The following XYLT1 variants were observed in gnomAD, a reference collection of about 807,000 sequenced individuals.
XYLT1 encodes beta-D-xylosyltransferase 1.
XYLT1 carries 36 observed loss-of-function variants against 91.3 expected under a neutral mutation model. The observed-to-expected ratio is 0.39, with a 90% CI of 0.30 to 0.52. The LOEUF (loss-of-function observed/expected upper bound fraction) is 0.52. XYLT1 is among the 20% of genes least tolerant of loss of function. The probability of loss-of-function intolerance (pLI) is 0.68; values close to 1 mark genes in which losing one functional copy is unlikely to be tolerated. For missense variants in XYLT1, 1,242 were observed against 1,284.5 expected, an observed-to-expected ratio of 0.97 and a Z score of 0.51; for synonymous variants, 588 against 532.0, an observed-to-expected ratio of 1.11 and a Z score of -1.45.
chr16:17,245,754 C>G (rs1426183939), intron 3 of XYLT1, among the ~76,000 whole-genome samples: 2 of 152,202 alleles, frequency 1.3e-5, no homozygotes, highest in Non-Finnish European at 1.5e-5. Context: ...AATCCAATCT[C>G]TCATGGGTGA....
chr16:17,129,022 C>T (rs983865460), intron 9 of XYLT1, among the ~76,000 whole-genome samples: 1 of 135,606 alleles, frequency 7.4e-6, no homozygotes, highest in African/African-American at 2.7e-5. Flanking sequence ...TGTGTTCACA[C>T]ATCTCCTGAA....
At chr16:17,424,645 G>A (rs531358602) in intron 1 of XYLT1, among the ~76,000 whole-genome samples, 4 of 152,132 alleles carry the variant, frequency 2.6e-5, no homozygotes, top group East Asian at 1.9e-4. Flanking sequence ...CGAGGCAGGC[G>A]GATCACGAGG....
rs1966710267 is a variant in XYLT1 at position 17,102,037 on chromosome 16, A to C, written c.*6658T>G. ...TTTAAAAATCATATACTTCTGCCTC[A>C]ACCAGGAGGTACTTATAGGAGGTTG... On this transcript the variant is annotated 3_prime_UTR_variant, in exon 12 of 12. Coordinates refer to ENST00000261381, the MANE Select transcript of XYLT1 (RefSeq NM_022166.4). 6.6e-6 allele frequency: 1 copy of C among 152,178 alleles called. No homozygotes were observed. Among genetic ancestry groups the C allele is most frequent in the South Asian group, 2.1e-4 (1 of 4,826 alleles). The allele number at this position is 152,178 out of a possible 1,614,324, so 9.4% of individuals were successfully genotyped here. A position where few individuals can be genotyped will look rare whatever the true frequency, so the allele number is the denominator to read the frequency against.
At chr16:17,341,028 G>C (rs538858989) in intron 2 of XYLT1, among the ~76,000 whole-genome samples, 35 of 152,272 alleles carry the variant, frequency 2.3e-4, no homozygotes, top group African/African-American at 8.2e-4. Flanking sequence ...TTTGAAAGAG[G>C]AAACAGGAAA....
At chr16:17,319,070 G>T (rs1158948730) in intron 2 of XYLT1, among the ~76,000 whole-genome samples, 3 of 152,210 alleles carry the variant, frequency 2.0e-5, no homozygotes, top group Middle Eastern at 6.8e-3. Context: ...TTACAAGCAT[G>T]AGCCACCATG....
intron 2 of XYLT1, among the ~76,000 whole-genome samples, chr16:17,352,183 T>C (rs1443612260): frequency 6.6e-6 from 1 of 152,148 alleles, no homozygotes; most frequent in Non-Finnish European, 1.5e-5. Context: ...GCGGTCAAAA[T>C]TGACCTAGTT....
chr16:17,312,612 T>C lies in XYLT1; in HGVS notation c.402+45400A>G, dbSNP rs2141822698. Reference sequence around the variant, plus strand: ...GGCAATTCACATCAGTACAATACTGTTAACGGGACTGCAGATTTTGTTTTT... The same window carrying C: ...GGCAATTCACATCAGTACAATACTGCTAACGGGACTGCAGATTTTGTTTTT... On this transcript the variant is annotated intron_variant, in intron 2 of 11. Coordinates refer to ENST00000261381, the MANE Select transcript of XYLT1 (RefSeq NM_022166.4). This position sits in a 1 kb window ranked among gnomAD's most constrained non-coding sequence, Gnocchi z 4.4. Among the ~76,000 whole-genome samples the C allele has an allele frequency of 6.6e-6, 1 of 152,322 alleles. No homozygotes were observed. The highest frequency in any genetic ancestry group is 2.1e-4 in the South Asian group (1 of 4,822).
intron 2 of XYLT1, among the ~76,000 whole-genome samples, chr16:17,315,246 T>C (rs1227719876): frequency 6.6e-6 from 1 of 152,134 alleles, no homozygotes. Flanking sequence ...CCAAACTCAT[T>C]TCTCTTTCCC....
At chr16:17,365,421 T>A (rs1596505022) in intron 1 of XYLT1, among the ~76,000 whole-genome samples, 1 of 152,034 alleles carries the variant, frequency 6.6e-6, no homozygotes, top group African/African-American at 2.4e-5. Flanking sequence ...GTGTCCTTGT[T>A]CTCTAAAAAA....
chr16:17,122,563 C>A (rs2030105378), intron 10 of XYLT1, among the ~76,000 whole-genome samples: 1 of 152,154 alleles, frequency 6.6e-6, no homozygotes, highest in African/African-American at 2.4e-5. Context: ...CTGATTATTT[C>A]TTTTGCCTTG....
At chr16:17,372,551 A>AATG (rs1189921797) in intron 1 of XYLT1, among the ~76,000 whole-genome samples, 1 of 152,252 alleles carries the variant, frequency 6.6e-6, no homozygotes, top group Non-Finnish European at 1.5e-5. Flanking sequence ...AAGTTCCATT[A>AATG]ATGGTAAGGC....
Position 17,106,946 on chromosome 16 carries a change from C to T in XYLT1, c.*1749G>A, listed in dbSNP as rs913743062. ...GAGGATGAGGAGGATGGGGGGTAGA[C>T]GCAGAGAAAGAGAAACCGAGAGAGA... is the stretch of plus-strand genomic sequence containing the variant. On this transcript the variant is annotated 3_prime_UTR_variant, in exon 12 of 12. Transcript: ENST00000261381. 8.6e-5 allele frequency: 13 copies of T among 151,776 alleles called. No individual in the cohort carries two copies. Among genetic ancestry groups the T allele is most frequent in the East Asian group, 7.8e-4 (4 of 5,146 alleles). 9.4% of individuals were successfully genotyped at this position (151,776 alleles called of 1,614,324 possible).
chr16:17,112,143 A>G (rs1966842787), intron 11 of XYLT1, among the ~76,000 whole-genome samples: 1 of 152,198 alleles, frequency 6.6e-6, no homozygotes, highest in Admixed American at 6.5e-5. Flanking sequence ...CTTATGAGAA[A>G]TGAGGTTAAT....
In XYLT1 at chr16:17,134,518, C is replaced by T. The variant is rs1275156523; in HGVS notation, c.1982G>A (p.Arg661Gln). 28 of 1,613,992 alleles carry T rather than the reference C, an allele frequency of 1.7e-5. No homozygotes were observed. Among genetic ancestry groups the T allele is most frequent in the South Asian group, 4.4e-5 (4 of 91,076 alleles). Residue 661 changes from arginine (R) to glutamine (Q), a missense_variant, in exon 9 of 12, where the codon CGA (arginine) becomes CAA (glutamine). Around this residue, in one of 3 missense-constraint regions of XYLT1, gnomAD observed 511 missense variants for 497.0 expected, o/e 1.03. Coordinates refer to ENST00000261381, the MANE Select transcript of XYLT1 (RefSeq NM_022166.4). ...CGTGTGCAGGGACGTCTCGGCCCGT[C>T]GAAGACCCAGGCGGGCAAAGGAGTG... ...LYHSFARLGL[R>Q]RAETSLHTDG... is the part of the protein sequence containing the mutation.
chr16:17,297,557 GAAAAAA>G (rs35985751), intron 2 of XYLT1, among the ~76,000 whole-genome samples: 2 of 142,972 alleles, frequency 1.4e-5, no homozygotes, highest in Admixed American at 6.9e-5. Flanking sequence ...TAAAGAAAAT[GAAAAAA>G]AAAAAAAAAC....
chr16:17,371,634 G>A (rs8061567), intron 1 of XYLT1, among the ~76,000 whole-genome samples: 32,965 of 152,198 alleles, frequency 0.22, 5,139 homozygotes, highest in African/African-American at 0.44. Flanking sequence ...TCATAAAATT[G>A]AAGTATGTTC....
At chr16:17,356,741 T>C (rs1486222241) in intron 2 of XYLT1, among the ~76,000 whole-genome samples, 4 of 152,306 alleles carry the variant, frequency 2.6e-5, no homozygotes, top group Non-Finnish European at 5.9e-5. Context: ...CTATTCACTG[T>C]GGGGCTCTGA....
At chr16:17,395,058 C>G (rs912994185) in intron 1 of XYLT1, among the ~76,000 whole-genome samples, 3 of 152,138 alleles carry the variant, frequency 2.0e-5, no homozygotes, top group Non-Finnish European at 4.4e-5. Flanking sequence ...TCCACATGGG[C>G]TGGGGAGGCC....
chr16:17,185,720 G>T (rs2032168901), intron 5 of XYLT1, among the ~76,000 whole-genome samples: 1 of 152,148 alleles, frequency 6.6e-6, no homozygotes. Flanking sequence ...TAGATTCTTG[G>T]CTGGGTGCAG....
Sources: allele counts gnomAD v4.1 joint callset (sites outside exome capture counted in the v4.1 genomes callset), GRCh38; gene constraint gnomAD v4.1.1; regional missense constraint gnomAD v4.1.1; non-coding constraint Gnocchi (gnomAD v3.1); transcripts MANE v1.5; gene names NCBI Gene and HGNC (gene_info 2026-07-23, HGNC 2026-07-21).